Variants in COL14A1 observed in about 807,000 individuals in gnomAD.
COL14A1 encodes collagen type XIV alpha 1 chain, also known as collagen alpha-1(XIV) chain.
In COL14A1, 136 loss-of-function variants were observed where a neutral mutation model predicts 230.3. That is an observed-to-expected ratio of 0.59 (90% CI 0.51 to 0.68). COL14A1 has a LOEUF of 0.68. Ranked by LOEUF, COL14A1 falls within the 30% of genes least tolerant of loss-of-function variation. The pLI is 0.00. For synonymous variants in COL14A1, 792 were observed against 784.1 expected (o/e 1.01, Z -0.17); for missense variants, 1,976 against 2,215.8 (o/e 0.89, Z 2.17).
intron 44 of COL14A1, among the ~76,000 whole-genome samples, chr8:120,344,840 A>G (rs1822442858): frequency 6.6e-6 from 1 of 152,086 alleles, no homozygotes; most frequent in Non-Finnish European, 1.5e-5. Context: ...ATTGTGGGAG[A>G]GAGTGCCAGA....
intron 1 of COL14A1, among the ~76,000 whole-genome samples, chr8:120,135,462 A>C (rs892928657): frequency 6.6e-6 from 1 of 152,058 alleles, no homozygotes; most frequent in African/African-American, 2.4e-5. Flanking sequence ...ATGGGGTGTC[A>C]CCATATTGGT....
At position 120,345,565 on chromosome 8, in the gene COL14A1, T is replaced by A. The variant is rs756657797; in HGVS notation, c.5077+2T>A. On this transcript the variant is annotated splice_donor_variant, in intron 45 of 47. Coordinates refer to ENST00000297848, the MANE Select transcript of COL14A1 (RefSeq NM_021110.4). LOFTEE classifies it high-confidence loss of function. Reference sequence around the variant, plus strand: ...TGCCAGGGACCCCAGGAGAACGAGGTAAGCTGGGCCCCTTCTCTCAGAGGA... The same window carrying A: ...TGCCAGGGACCCCAGGAGAACGAGGAAAGCTGGGCCCCTTCTCTCAGAGGA... The A allele has an allele frequency of 6.5e-7, 1 of 1,538,668 alleles. No homozygotes were observed. Among genetic ancestry groups the A allele is most frequent in the East Asian group, 2.4e-5 (1 of 41,210 alleles).
At chr8:120,216,786 G>A (rs955000613) in intron 14 of COL14A1, among the ~76,000 whole-genome samples, 1 of 152,186 alleles carries the variant, frequency 6.6e-6, no homozygotes, top group African/African-American at 2.4e-5. Context: ...GGGAGCTGTA[G>A]CAGGTCTCCA....
intron 19 of COL14A1, chr8:120,231,998 G>A (rs557244183): frequency 1.9e-5 from 3 of 156,702 alleles, no homozygotes; most frequent in Non-Finnish European, 4.2e-5. Context: ...TCTGCCCTTG[G>A]AAATCTGATA....
chr8:120,247,836 T>A, intron 21 of COL14A1, 101 bp downstream of exon 21: 2 of 1,418,330 alleles, frequency 1.4e-6, no homozygotes, highest in Non-Finnish European at 1.9e-6. Context: ...TTGGTTGTAT[T>A]TTTTTAAAGA....
chr8:120,129,749 C>T (rs1814466473), intron 1 of COL14A1, among the ~76,000 whole-genome samples: 1 of 152,188 alleles, frequency 6.6e-6, no homozygotes, highest in Non-Finnish European at 1.5e-5. Context: ...GAGTGTCTGC[C>T]AATTTCAAGT....
intron 5 of COL14A1, among the ~76,000 whole-genome samples, chr8:120,186,433 T>G (rs1816653292): frequency 6.6e-6 from 1 of 152,222 alleles, no homozygotes; most frequent in Admixed American, 6.5e-5. Flanking sequence ...GAGGCTGATA[T>G]TTTGCTAGTG....
At chr8:120,170,911 T>C (rs1268618909) in intron 5 of COL14A1, among the ~76,000 whole-genome samples, 2 of 143,544 alleles carry the variant, frequency 1.4e-5, no homozygotes, top group African/African-American at 4.9e-5. Context: ...GAGTAATTTG[T>C]AAAGAAGATT....
intron 2 of COL14A1, among the ~76,000 whole-genome samples, chr8:120,151,582 G>A (rs900893756): frequency 1.4e-5 from 2 of 143,640 alleles, no homozygotes; most frequent in Non-Finnish European, 3.0e-5. Context: ...GGAGGTTGCA[G>A]TGAGCTGAGA....
At chr8:120,298,054 G>A (rs1433503697) in intron 35 of COL14A1, among the ~76,000 whole-genome samples, 2 of 151,956 alleles carry the variant, frequency 1.3e-5, no homozygotes, top group Admixed American at 6.6e-5. Context: ...TTATTGTTGG[G>A]ATGTGTGTGC....
chr8:120,347,946 A>G (rs1219312812), intron 45 of COL14A1, among the ~76,000 whole-genome samples: 1 of 152,186 alleles, frequency 6.6e-6, no homozygotes, highest in Non-Finnish European at 1.5e-5. Context: ...GCATTCTGGC[A>G]TGAACACTGA....
At position 120,269,897 on chromosome 8, in the gene COL14A1, A is replaced by G. The variant is rs905673289; in HGVS notation, c.3074-138A>G. ...AGCATAGTGAGCAGGAGTTTGGAATATGAACATTAAGAAGTTTATATCTTT... is the reference window on the plus strand; with the variant it reads ...AGCATAGTGAGCAGGAGTTTGGAATGTGAACATTAAGAAGTTTATATCTTT... On this transcript the variant is annotated intron_variant, in intron 25 of 47. Coordinates refer to ENST00000297848, the MANE Select transcript of COL14A1 (RefSeq NM_021110.4). 9.8e-6 allele frequency: 8 copies of G among 817,844 alleles called. No homozygotes were observed. The African/African-American group carries it at 1.0e-4, about 11-fold the overall frequency. The allele number at this position is 817,844 out of a possible 1,614,324, so 50.7% of individuals were successfully genotyped here.
At chr8:120,182,228 A>G (rs187358530) in intron 5 of COL14A1, among the ~76,000 whole-genome samples, 331 of 152,334 alleles carry the variant, frequency 2.2e-3, no homozygotes, top group Middle Eastern at 6.8e-3. Flanking sequence ...TTTTTAAAAC[A>G]ATCAGATACC....
chr8:120,339,597 G>A (rs1822212928), intron 42 of COL14A1, among the ~76,000 whole-genome samples: 1 of 152,162 alleles, frequency 6.6e-6, no homozygotes, highest in South Asian at 2.1e-4. Flanking sequence ...AACTCAGAGA[G>A]TTAACCCAGC....
chr8:120,299,860 A>G (rs1321583503), intron 35 of COL14A1, among the ~76,000 whole-genome samples: 1 of 152,130 alleles, frequency 6.6e-6, no homozygotes, highest in African/African-American at 2.4e-5. Flanking sequence ...TTTAACTGTC[A>G]TCTGTGCTCT....
At chr8:120,233,975 G>C (rs1818360577) in intron 19 of COL14A1, among the ~76,000 whole-genome samples, 1 of 152,116 alleles carries the variant, frequency 6.6e-6, no homozygotes, top group African/African-American at 2.4e-5. Context: ...CCATTTGTTT[G>C]TGTCCTCTCT....
At chr8:120,225,353 TA>T in intron 15 of COL14A1, 139 bp downstream of exon 15, 1 of 726,328 alleles carries the variant, frequency 1.4e-6, no homozygotes, top group Non-Finnish European at 2.1e-6. Flanking sequence ...TATTAAAAAA[TA>T]AACAATTGGA....
At chr8:120,283,957 A>C (rs1197622373) in intron 32 of COL14A1, among the ~76,000 whole-genome samples, 179 bp downstream of exon 32, 1 of 152,202 alleles carries the variant, frequency 6.6e-6, no homozygotes, top group African/African-American at 2.4e-5. Flanking sequence ...TTCTTTCAAC[A>C]AATATTTCTT....
chr8:120,329,162 G>T (rs1040791355), intron 40 of COL14A1, among the ~76,000 whole-genome samples: 1 of 152,150 alleles, frequency 6.6e-6, no homozygotes, highest in Non-Finnish European at 1.5e-5. Context: ...AAATGAGTTA[G>T]GTTTTCTTTC....
Sources: allele counts gnomAD v4.1 joint callset (sites outside exome capture counted in the v4.1 genomes callset), GRCh38; gene constraint gnomAD v4.1.1; transcripts MANE v1.5; gene names NCBI Gene and HGNC (gene_info 2026-07-23, HGNC 2026-07-21).